Variants in CRTAM observed in about 807,000 individuals in gnomAD.
CRTAM encodes cytotoxic and regulatory T cell molecule.
A neutral mutation model predicts 50.0 loss-of-function variants in CRTAM; 44 were observed. The observed-to-expected ratio is 0.88, with a 90% CI of 0.69 to 1.13. The LOEUF is 1.13. Ranked by LOEUF, CRTAM falls within the 50% of genes most tolerant of loss-of-function variation. The pLI, the probability that CRTAM is intolerant of heterozygous loss-of-function variation, is 0.00. For missense variants in CRTAM, 448 were observed against 457.5 expected (o/e 0.98, Z 0.19); for synonymous variants, 159 against 169.3 (o/e 0.94, Z 0.47).
chr11:122,841,291 T>A (rs976770432), intron 1 of CRTAM, among the ~76,000 whole-genome samples: 3 of 152,200 alleles, frequency 2.0e-5, no homozygotes, highest in Non-Finnish European at 4.4e-5. Context: ...AATTAATGCA[T>A]TGCATGTCTC....
intron 4 of CRTAM, 133 bp downstream of exon 4, chr11:122,854,219 A>T (rs541965077): frequency 6.1e-6 from 5 of 816,328 alleles, no homozygotes; most frequent in Non-Finnish European, 9.1e-6. Flanking sequence ...TCTTTTCCAG[A>T]CAAGTTATTC....
intron 5 of CRTAM, chr11:122,862,164 G>T (rs2177196): frequency 0.17 from 62,437 of 364,232 alleles, 6,230 homozygotes; most frequent in Middle Eastern, 0.29. Context: ...AACAGACAGA[G>T]GGATTGATTG....
chr11:122,861,414 ATATATATTTTTTTTTTT>A (rs1862078993), intron 5 of CRTAM, among the ~76,000 whole-genome samples: 3 of 22,042 alleles, frequency 1.4e-4, no homozygotes, highest in African/African-American at 6.1e-4. Context: ...ATATATATAT[ATATATATTTTTTTTTTT>A]TTTTTTTTTT....
intron 1 of CRTAM, among the ~76,000 whole-genome samples, chr11:122,846,321 A>G (rs1426629298): frequency 6.6e-6 from 1 of 152,066 alleles, no homozygotes; most frequent in African/African-American, 2.4e-5. Context: ...AATTTAATTT[A>G]TTTTTGAGAT....
At chr11:122,841,971 C>A (rs183095093) in intron 1 of CRTAM, among the ~76,000 whole-genome samples, 61 of 152,206 alleles carry the variant, frequency 4.0e-4, no homozygotes, top group African/African-American at 1.4e-3. Context: ...TTGAGTTGAG[C>A]CTATAAGTTG....
Position 122,862,886 on chromosome 11 carries a change from C to G in CRTAM, c.733+342C>G, listed in dbSNP as rs576462968. Among the ~76,000 whole-genome samples, 11 of 146,624 alleles carry G rather than the reference C, an allele frequency of 7.5e-5. No homozygotes were observed. In the South Asian group the frequency reaches 2.5e-3, roughly 33 times the overall value. ...AGTTGAATTCATTTATAGAGAGACTCGTTTCTTTGTTTTCCCATCTGAAGC... is the reference window on the plus strand; with the variant it reads ...AGTTGAATTCATTTATAGAGAGACTGGTTTCTTTGTTTTCCCATCTGAAGC... On this transcript the variant is annotated intron_variant, in intron 6 of 9. Coordinates refer to ENST00000227348, the MANE Select transcript of CRTAM (RefSeq NM_019604.4).
intron 9 of CRTAM, 71 bp from the exon 10 acceptor site, chr11:122,871,198 A>G (rs1237150886): frequency 2.0e-5 from 28 of 1,381,302 alleles, no homozygotes; most frequent in Admixed American, 4.2e-5. Flanking sequence ...ATATCCAATC[A>G]AAGTGTTTCA....
At chr11:122,849,065 T>C (rs1172881410) in intron 1 of CRTAM, among the ~76,000 whole-genome samples, 2 of 152,206 alleles carry the variant, frequency 1.3e-5, no homozygotes, top group African/African-American at 4.8e-5. Flanking sequence ...TGTGGAATAC[T>C]GAATTGAATG....
chr11:122,866,841 C>T (rs1862181500), intron 7 of CRTAM, among the ~76,000 whole-genome samples: 1 of 151,852 alleles, frequency 6.6e-6, no homozygotes, highest in African/African-American at 2.4e-5. Flanking sequence ...AAACTCCTGG[C>T]CTCAAGCAAC....
intron 1 of CRTAM, among the ~76,000 whole-genome samples, chr11:122,849,417 G>C (rs1357449494): frequency 6.6e-6 from 1 of 152,112 alleles, no homozygotes; most frequent in Non-Finnish European, 1.5e-5. Flanking sequence ...TCCTTTCTAG[G>C]GTTAGTTTGA....
At position 122,854,049 on chromosome 11, in the gene CRTAM, G is replaced by C; in HGVS notation, c.453G>C (p.Gln151His). Residue 151 changes from glutamine (Q) to histidine (H), a missense_variant, in exon 4 of 10, where the codon CAG becomes CAC. Coordinates refer to ENST00000227348, the MANE Select transcript of CRTAM (RefSeq NM_019604.4). ...CCATGAGAAGCAAGCCCCCTCCGCA[G>C]ATAACCTGGCTACTTGGGAATAGCA... ...CSTMRSKPPP[Q>H]ITWLLGNSME... is the part of the protein sequence containing the mutation. 1 of 1,614,096 alleles carries C rather than the reference G, an allele frequency of 6.2e-7. No individual in the cohort carries two copies. The highest frequency in any genetic ancestry group is 8.5e-7 in the Non-Finnish European group (1 of 1,179,998).
chr11:122,864,677 G>A lies in CRTAM; in HGVS notation c.775G>A (p.Glu259Lys), dbSNP rs759987502. 8 of 1,613,714 alleles carry A rather than the reference G, an allele frequency of 5.0e-6. No homozygotes were observed. In the East Asian group the frequency reaches 8.9e-5, roughly 18 times the overall value. Reference protein sequence around the residue: ...EDSSTSEIDKEEKEQTTQDPD... With the variant: ...EDSSTSEIDKKEKEQTTQDPD... ...TTCTAGTACATCGGAGATTGACAAG[G>A]AAGAGAAAGAACAAACCACTCAAGA... The change falls in exon 7 of 10, where the codon GAA becomes AAA. Residue 259 changes from glutamate to lysine, a missense_variant. Coordinates refer to ENST00000227348, the MANE Select transcript of CRTAM (RefSeq NM_019604.4).
At chr11:122,863,357 AAG>A (rs1862123938) in intron 6 of CRTAM, among the ~76,000 whole-genome samples, 1 of 151,240 alleles carries the variant, frequency 6.6e-6, no homozygotes, top group Non-Finnish European at 1.5e-5. Flanking sequence ...AAGAAAAAGA[AAG>A]AAAGAAAGAA....
rs187515993 is a variant in CRTAM at position 122,845,800 on chromosome 11, C to T, written c.47-4268C>T. ...GAAATCTGACATCATTTTGTTTATG[C>T]ATTTTAATATGGGATGAATAGTATA... On this transcript the variant is annotated intron_variant, in intron 1 of 9. Coordinates refer to ENST00000227348, the MANE Select transcript of CRTAM (RefSeq NM_019604.4). 4.6e-5 allele frequency among the ~76,000 whole-genome samples: 7 copies of T among 152,178 alleles called. No homozygotes were observed. In the East Asian group the frequency reaches 1.4e-3, roughly 29 times the overall value.
At chr11:122,863,232 A>T (rs1234362318) in intron 6 of CRTAM, among the ~76,000 whole-genome samples, 1 of 143,416 alleles carries the variant, frequency 7.0e-6, no homozygotes, top group African/African-American at 2.7e-5. Flanking sequence ...GAATTACGAA[A>T]GAAAGAAAGA....
At chr11:122,845,714 T>C (rs573424778) in intron 1 of CRTAM, among the ~76,000 whole-genome samples, 3 of 151,764 alleles carry the variant, frequency 2.0e-5, no homozygotes, top group African/African-American at 7.2e-5. Flanking sequence ...CTCAAAAAAA[T>C]AAATAAATAA....
chr11:122,867,523 A>G lies in CRTAM; in HGVS notation c.932A>G (p.Lys311Arg). ...LFIIVQLFIM[K>R]LRKAHVIWKK... ...ATCATAGTCCAGCTCTTCATCATGA[A>G]GCTGAGGAAAGCACATGTGATATGG... Residue 311 changes from lysine to arginine, a missense_variant, in exon 8 of 10, where the codon AAG becomes AGG. Coordinates refer to ENST00000227348, the MANE Select transcript of CRTAM (RefSeq NM_019604.4). 6.2e-7 allele frequency: 1 copy of G among 1,614,134 alleles called. No individual in the cohort carries two copies. The highest frequency in any genetic ancestry group is 8.5e-7 in the Non-Finnish European group (1 of 1,179,998).
At chr11:122,865,282 G>C (rs1862154658) in intron 7 of CRTAM, among the ~76,000 whole-genome samples, 2 of 152,158 alleles carry the variant, frequency 1.3e-5, no homozygotes, top group African/African-American at 4.8e-5. Flanking sequence ...TGATCTGCCT[G>C]CCTCGGCCTC....
At chr11:122,852,059 G>A (rs1042714186) in intron 3 of CRTAM, among the ~76,000 whole-genome samples, 2 of 152,154 alleles carry the variant, frequency 1.3e-5, no homozygotes, top group African/African-American at 4.8e-5. Flanking sequence ...GTCTTTGACA[G>A]CAACTAAATT....
Sources: gnomAD v4.1 joint callset for allele counts (sites outside exome capture counted in the v4.1 genomes callset) on GRCh38, gnomAD v4.1.1 for gene constraint, MANE v1.5 for transcripts, NCBI Gene and HGNC (gene_info 2026-07-23, HGNC 2026-07-21) for gene names.